The following PCDHGA1 variants were observed in gnomAD, a reference collection of about 807,000 sequenced individuals.
PCDHGA1 encodes protocadherin gamma-A1.
Under a neutral mutation model 58.0 loss-of-function variants are expected in PCDHGA1, and 32 were observed. The observed-to-expected ratio is 0.55, with a 90% CI of 0.42 to 0.74. The LOEUF (loss-of-function observed/expected upper bound fraction) is 0.74. Ranked by LOEUF, PCDHGA1 falls within the 30% of genes least tolerant of loss-of-function variation. The pLI, the probability that PCDHGA1 is intolerant of heterozygous loss-of-function variation, is 0.00. For missense variants in PCDHGA1, 1,205 were observed against 1,182.3 expected, an observed-to-expected ratio of 1.02 and a Z score of -0.28; for synonymous variants, 498 against 501.1, an observed-to-expected ratio of 0.99 and a Z score of 0.08.
intron 1 of PCDHGA1, chr5:141,385,269 T>TAACATCCTTAGATGTTAGA (rs771830831): frequency 1.9e-4 from 313 of 1,614,062 alleles, no homozygotes; most frequent in Non-Finnish European, 2.4e-4. Context: ...AAAATGATTC[T>TAACATCCTTAGATGTTAGA]TTGCTAACAT....
intron 1 of PCDHGA1, chr5:141,341,567 A>T: frequency 7.7e-7 from 1 of 1,293,046 alleles, no homozygotes; most frequent in Non-Finnish European, 1.0e-6. Context: ...AGGCTGTAAG[A>T]GGAAGAAGAG....
intron 1 of PCDHGA1, chr5:141,389,770 C>T: frequency 4.3e-6 from 7 of 1,613,166 alleles, no homozygotes; most frequent in Admixed American, 1.7e-5. Flanking sequence ...ACAGCGCGTG[C>T]CTTAGGCGAC....
chr5:141,384,485 A>G (rs1410076707), intron 1 of PCDHGA1: 1 of 1,614,130 alleles, frequency 6.2e-7, no homozygotes, highest in Non-Finnish European at 8.5e-7. Context: ...AGAGAACTAC[A>G]ACTAAGAGTG....
In PCDHGA1 at chr5:141,486,435, A is replaced by G. The variant is rs2099629501; in HGVS notation, c.2422-8372A>G. The G allele has an allele frequency of 6.2e-7, 1 of 1,614,118 alleles. No homozygotes were observed. Among genetic ancestry groups the G allele is most frequent in the Non-Finnish European group, 8.5e-7 (1 of 1,179,960 alleles). ...TTGGATCGAGAGGCCAAATCTAGCT[A>G]TGACATCATGGTCACTGCTTCTGAT... is the stretch of plus-strand genomic sequence containing the variant. On this transcript the variant is annotated intron_variant, in intron 1 of 3. Coordinates refer to ENST00000517417, the MANE Select transcript of PCDHGA1 (RefSeq NM_018912.3). This position sits in a 1 kb window ranked among gnomAD's most constrained non-coding sequence, Gnocchi z 5.0.
intron 1 of PCDHGA1, among the ~76,000 whole-genome samples, chr5:141,470,814 A>T (rs1170059292): frequency 2.6e-5 from 4 of 152,006 alleles, no homozygotes; most frequent in Admixed American, 6.5e-5. Context: ...CAGCCTTCTG[A>T]GTAGTTAGGA....
chr5:141,383,951 C>CT (rs1779634638), intron 1 of PCDHGA1: 1 of 1,613,676 alleles, frequency 6.2e-7, no homozygotes, highest in African/African-American at 1.3e-5. Context: ...ACTATGACGT[C>CT]TTTAAGTAGC....
At chr5:141,471,506 G>A (rs2099258630) in intron 1 of PCDHGA1, 1 of 152,214 alleles carries the variant, frequency 6.6e-6, no homozygotes, top group South Asian at 2.1e-4. Flanking sequence ...GCAAGAGAGG[G>A]AGTAAAAATA....
chr5:141,478,617 G>A (rs1010415342), intron 1 of PCDHGA1: 1 of 1,556,398 alleles, frequency 6.4e-7, no homozygotes, highest in Non-Finnish European at 8.7e-7. Context: ...AGGAAGGAAT[G>A]GAGCTGTTTT....
At chr5:141,427,603 T>G in intron 1 of PCDHGA1, 2 of 681,440 alleles carry the variant, frequency 2.9e-6, no homozygotes, top group East Asian at 2.8e-5. Flanking sequence ...ACCCTACGCA[T>G]TGGTGAAGTC....
chr5:141,445,334 A>G (rs1337991795), intron 1 of PCDHGA1, among the ~76,000 whole-genome samples: 1 of 152,224 alleles, frequency 6.6e-6, no homozygotes, highest in African/African-American at 2.4e-5. Context: ...ATCCAGAAAC[A>G]GTAAACATTG....
Position 141,494,692 on chromosome 5 carries a change from C to T in PCDHGA1, c.2422-115C>T. On this transcript the variant is annotated intron_variant, in intron 1 of 3. Coordinates refer to ENST00000517417, the MANE Select transcript of PCDHGA1 (RefSeq NM_018912.3). ...AGTCCACCCCTGCCCCCTCTTAGTC[C>T]GTTTTCTTCTCTGTGCCCACTCCCC... 2.5e-6 allele frequency: 4 copies of T among 1,581,934 alleles called. No individual in the cohort carries two copies. In the African/African-American group the frequency reaches 4.0e-5, roughly 16 times the overall value.
Position 141,493,760 on chromosome 5 carries a change from G to C in PCDHGA1, c.2422-1047G>C, listed in dbSNP as rs1268832909. On this transcript the variant is annotated intron_variant, in intron 1 of 3. Coordinates refer to ENST00000517417, the MANE Select transcript of PCDHGA1 (RefSeq NM_018912.3). The surrounding 1 kb of genome is among the most constrained non-coding windows in gnomAD (Gnocchi z 4.3). ...ACTGCCACCTGTGAGCCTTGAGTGA[G>C]CCACTGGCAGTTCCGGAGCTTCCTT... Among the ~76,000 whole-genome samples, 1 of 152,166 alleles carries C rather than the reference G, an allele frequency of 6.6e-6. No individual in the cohort carries two copies. The highest frequency in any genetic ancestry group is 1.5e-5 in the Non-Finnish European group (1 of 68,022).
chr5:141,501,030 A>G (rs2099805050), intron 2 of PCDHGA1, among the ~76,000 whole-genome samples: 1 of 151,848 alleles, frequency 6.6e-6, no homozygotes, highest in Admixed American at 6.6e-5. Flanking sequence ...CACCACGCCC[A>G]GCTAATTTTT....
At chr5:141,503,023 A>AAT (rs2099817696) in intron 2 of PCDHGA1, among the ~76,000 whole-genome samples, 1 of 141,888 alleles carries the variant, frequency 7.0e-6, no homozygotes, top group African/African-American at 2.6e-5. Context: ...TTTTTTTTTT[A>AAT]ATATCTATTT....
At chr5:141,474,658 A>G (rs950490550) in intron 1 of PCDHGA1, among the ~76,000 whole-genome samples, 13 of 152,176 alleles carry the variant, frequency 8.5e-5, no homozygotes, top group African/African-American at 3.1e-4. Flanking sequence ...CTTCTTTTCT[A>G]CCTACCTAAC....
chr5:141,489,238 G>A lies in PCDHGA1; in HGVS notation c.2422-5569G>A. On this transcript the variant is annotated intron_variant, in intron 1 of 3. Coordinates refer to ENST00000517417, the MANE Select transcript of PCDHGA1 (RefSeq NM_018912.3). The surrounding 1 kb of genome is among the most constrained non-coding windows in gnomAD (Gnocchi z 4.5). ...TTACTCTCCACAAAGGGACTTCTGG[G>A]TCATGGGGCCCAAGACACTCCCACA... 6.5e-7 allele frequency: 1 copy of A among 1,534,146 alleles called. No homozygotes were observed.
chr5:141,510,526 A>T (rs1164238062), intron 3 of PCDHGA1, among the ~76,000 whole-genome samples: 1 of 152,156 alleles, frequency 6.6e-6, no homozygotes, highest in East Asian at 1.9e-4. Flanking sequence ...CAGCCCTGAG[A>T]GAAATACCAG....
At chr5:141,375,442 C>A (rs746357528) in intron 1 of PCDHGA1, 1 of 1,614,034 alleles carries the variant, frequency 6.2e-7, no homozygotes, top group Non-Finnish European at 8.5e-7. Flanking sequence ...CCACCTTCCC[C>A]CATTCATCCT....
At chr5:141,393,079 GGATA>G (rs1414303760) in intron 1 of PCDHGA1, 2 of 1,613,582 alleles carry the variant, frequency 1.2e-6, no homozygotes, top group Non-Finnish European at 1.7e-6. Context: ...ACCGCGGGCA[GGATA>G]GATCGGGAGG....
Sources: gnomAD v4.1 joint callset for allele counts (sites outside exome capture counted in the v4.1 genomes callset) on GRCh38, gnomAD v4.1.1 for gene constraint, Gnocchi (gnomAD v3.1) non-coding constraint, MANE v1.5 for transcripts, NCBI Gene and HGNC (gene_info 2026-07-23, HGNC 2026-07-21) for gene names.